RCBTB2: variants seen among roughly 807,000 people sequenced by gnomAD.
RCBTB2 encodes the protein RCC1 and BTB domain containing protein 2.
A neutral mutation model predicts 65.4 loss-of-function variants in RCBTB2; 55 were observed. That is an observed-to-expected ratio of 0.84 (90% CI 0.68 to 1.05). The LOEUF (loss-of-function observed/expected upper bound fraction) is 1.05. Ranked by LOEUF, RCBTB2 falls within the 50% of genes least tolerant of loss-of-function variation. The pLI is 0.00. For synonymous variants in RCBTB2, 220 were observed against 255.2 expected (o/e 0.86, Z 1.31); for missense variants, 599 against 680.1 (o/e 0.88, Z 1.33).
chr13:48,497,337 T>C (rs946056949), intron 13 of RCBTB2, among the ~76,000 whole-genome samples: 1 of 152,042 alleles, frequency 6.6e-6, no homozygotes, highest in African/African-American at 2.4e-5. Flanking sequence ...TGCAGGTGAG[T>C]CCTGTTATAT....
intron 4 of RCBTB2, among the ~76,000 whole-genome samples, chr13:48,518,539 GA>G (rs1951233339): frequency 6.8e-6 from 1 of 146,192 alleles, no homozygotes; most frequent in Non-Finnish European, 1.5e-5. Flanking sequence ...TTTCCTACAG[GA>G]CAACCTTAAT....
At chr13:48,534,232 A>G (rs979425356), upstream of RCBTB2, among the ~76,000 whole-genome samples, 7 of 152,210 alleles carry the variant, frequency 4.6e-5, no homozygotes, top group Admixed American at 2.6e-4. Context: ...GCCTGCCCCA[A>G]GTTTCTCCAC....
intron 10 of RCBTB2, among the ~76,000 whole-genome samples, chr13:48,503,544 A>ATT (rs67880636): frequency 0.02 from 2,991 of 148,530 alleles, 110 homozygotes; most frequent in African/African-American, 0.07. Context: ...TCTCAGAACA[A>ATT]TTTTTTTTTT....
intron 10 of RCBTB2, among the ~76,000 whole-genome samples, chr13:48,508,187 C>T (rs1950596415): frequency 1.3e-5 from 2 of 152,164 alleles, no homozygotes; most frequent in Non-Finnish European, 2.9e-5. Flanking sequence ...AAGTAAGGCT[C>T]CGGGGTTCCC....
intron 12 of RCBTB2, among the ~76,000 whole-genome samples, chr13:48,500,285 C>T (rs892970355): frequency 1.3e-5 from 2 of 152,074 alleles, no homozygotes; most frequent in East Asian, 3.9e-4. Context: ...TTGGACAGGG[C>T]GCGGTGGCTC....
intron 6 of RCBTB2, among the ~76,000 whole-genome samples, chr13:48,513,743 T>A (rs1277789410): frequency 6.6e-6 from 1 of 152,218 alleles, no homozygotes; most frequent in East Asian, 1.9e-4. Context: ...TACAGCTGTC[T>A]TATAATTGGT....
At chr13:48,525,314 C>A (rs1209268522) in intron 1 of RCBTB2, among the ~76,000 whole-genome samples, 2 of 138,018 alleles carry the variant, frequency 1.4e-5, no homozygotes, top group Non-Finnish European at 3.1e-5. Flanking sequence ...ATAAAGAATG[C>A]CTGCAAATCA....
intron 1 of RCBTB2, among the ~76,000 whole-genome samples, chr13:48,531,414 C>T (rs1389268592): frequency 2.0e-5 from 3 of 152,140 alleles, no homozygotes; most frequent in Admixed American, 1.3e-4. Flanking sequence ...GCTACAAAGC[C>T]GAACCAGCAG....
intron 1 of RCBTB2, among the ~76,000 whole-genome samples, chr13:48,525,612 C>G (rs554608601): frequency 1.3e-5 from 2 of 151,534 alleles, no homozygotes; most frequent in Non-Finnish European, 2.9e-5. Context: ...AGATCACTAA[C>G]AAGTCCTGCA....
Position 48,521,897 on chromosome 13 carries a change from C to A in RCBTB2, c.42+1G>T. 6.2e-7 allele frequency: 1 copy of A among 1,613,576 alleles called. No homozygotes were observed. On this transcript the variant is annotated splice_donor_variant, in intron 4 of 14. Transcript: ENST00000344532. LOFTEE classifies it high-confidence loss of function. The stretch of plus-strand genomic sequence containing the variant: ...CTCCAAGGGCATGATTTTTTTCTAA[C>A]CTTGCCACTGTCTCCAGAGAAAAGA...
At chr13:48,511,995 G>C in intron 8 of RCBTB2, 21 bp downstream of exon 8, 2 of 1,610,338 alleles carry the variant, frequency 1.2e-6, no homozygotes, top group South Asian at 2.2e-5. Context: ...TTTTAAACAA[G>C]ATGTAAAATA....
chr13:48,524,304 C>T (rs1377511431), intron 2 of RCBTB2, among the ~76,000 whole-genome samples: 1 of 152,158 alleles, frequency 6.6e-6, no homozygotes, highest in East Asian at 1.9e-4. Context: ...TACAGAAAGC[C>T]ATATCCATGA....
chr13:48,527,497 T>C lies in RCBTB2; in HGVS notation c.-218-2740A>G, dbSNP rs1021718767. ...TTTTTACAGAATCTTATTATACTAA[T>C]GTTTGCCTTGCAATATAAATAGAAA... On this transcript the variant is annotated intron_variant, in intron 1 of 14. Transcript: ENST00000344532. 3.3e-5 allele frequency among the ~76,000 whole-genome samples: 5 copies of C among 151,732 alleles called. No individual in the cohort carries two copies. The South Asian group carries it at 1.0e-3, about 31-fold the overall frequency.
chr13:48,506,628 G>A (rs1950518946), intron 10 of RCBTB2, among the ~76,000 whole-genome samples: 1 of 152,188 alleles, frequency 6.6e-6, no homozygotes, highest in African/African-American at 2.4e-5. Flanking sequence ...CAGGTGTGGG[G>A]GCCAATGTAC....
chr13:48,508,881 C>T (rs1950638300), intron 10 of RCBTB2, among the ~76,000 whole-genome samples: 2 of 152,122 alleles, frequency 1.3e-5, no homozygotes, highest in African/African-American at 2.4e-5. Flanking sequence ...ATCCATCTGC[C>T]CCAGTGAGAA....
upstream of RCBTB2, chr13:48,533,179 A>G: frequency 5.4e-6 from 2 of 369,816 alleles, no homozygotes; most frequent in Non-Finnish European, 1.1e-5. Flanking sequence ...ACGGAAACGA[A>G]GGGAGCGCAG....
At chr13:48,530,360 A>G (rs1042357116) in intron 1 of RCBTB2, among the ~76,000 whole-genome samples, 1 of 152,184 alleles carries the variant, frequency 6.6e-6, no homozygotes, top group Non-Finnish European at 1.5e-5. Context: ...TCCTAGATTA[A>G]TAATATTTTG....
chr13:48,513,406 C>A (rs911438894), intron 6 of RCBTB2, among the ~76,000 whole-genome samples: 12 of 152,108 alleles, frequency 7.9e-5, no homozygotes, highest in Non-Finnish European at 4.4e-5. Flanking sequence ...CTTATAATCA[C>A]CCCCCAAAAG....
chr13:48,527,334 T>TGATATATATATATATATC (rs1566336684), intron 1 of RCBTB2, among the ~76,000 whole-genome samples: 4 of 130,216 alleles, frequency 3.1e-5, no homozygotes, highest in African/African-American at 1.6e-4. Context: ...TATATATATA[T>TGATATATATATATATATC]ATGATATATA....
Sources: allele counts gnomAD v4.1 joint callset (sites outside exome capture counted in the v4.1 genomes callset), GRCh38; gene constraint gnomAD v4.1.1; transcripts MANE v1.5; gene names NCBI Gene and HGNC (gene_info 2026-07-23, HGNC 2026-07-21).